CA2: variants seen among roughly 807,000 people sequenced by gnomAD.
CA2 encodes the protein carbonate dehydratase II.
CA2 carries 23 observed loss-of-function variants against 27.8 expected under a neutral mutation model. The observed-to-expected ratio is 0.83, with a 90% CI of 0.59 to 1.17. The LOEUF (loss-of-function observed/expected upper bound fraction) is 1.17, where lower values mean the gene tolerates loss of function less well. CA2 is among the 50% of genes most tolerant of loss of function. CA2 has a pLI of 0.00. For missense variants in CA2, 300 were observed against 314.7 expected (o/e 0.95, Z 0.35); for synonymous variants, 99 against 114.9 (o/e 0.86, Z 0.88).
Position 85,481,072 on chromosome 8 carries a change from A to C in CA2, c.*283A>C. The C allele has an allele frequency of 2.5e-6, 1 of 396,040 alleles. No homozygotes were observed. Among genetic ancestry groups the C allele is most frequent in the South Asian group, 2.3e-5 (1 of 44,434 alleles). 24.5% of individuals were successfully genotyped at this position (396,040 alleles called of 1,614,324 possible). A position where few individuals can be genotyped will look rare whatever the true frequency, so the allele number is the denominator to read the frequency against. On this transcript the variant is annotated 3_prime_UTR_variant, in exon 7 of 7. Transcript: ENST00000285379. ...AATAAAGTACCTTGACTTTGTTCAC[A>C]GCATGTAGGGTGATGAGCACTCACA...
chr8:85,474,886 G>T (rs1206470446), intron 4 of CA2, among the ~76,000 whole-genome samples: 1 of 152,152 alleles, frequency 6.6e-6, no homozygotes, highest in Non-Finnish European at 1.5e-5. Flanking sequence ...ATGTTGAGGT[G>T]GAAGCTACAG....
intron 2 of CA2, among the ~76,000 whole-genome samples, chr8:85,469,167 ATC>A (rs1304861862): frequency 2.0e-5 from 3 of 152,294 alleles, no homozygotes; most frequent in East Asian, 3.9e-4. Context: ...GCAGTTTAAC[ATC>A]TCTTTTTATT....
intron 2 of CA2, among the ~76,000 whole-genome samples, chr8:85,472,745 C>T (rs1811728622): frequency 6.6e-6 from 1 of 152,034 alleles, no homozygotes; most frequent in African/African-American, 2.4e-5. Context: ...AATCCCGGCA[C>T]TTTAGGAGGC....
chr8:85,476,107 A>G (rs1811795288), intron 5 of CA2, among the ~76,000 whole-genome samples: 1 of 152,226 alleles, frequency 6.6e-6, no homozygotes, highest in African/African-American at 2.4e-5. Context: ...GGACATCCAT[A>G]TGTAAGAGTC....
intron 4 of CA2, 27 bp from the exon 5 acceptor site, chr8:85,475,771 T>C: frequency 1.2e-6 from 2 of 1,607,986 alleles, no homozygotes; most frequent in Non-Finnish European, 1.7e-6. Context: ...TGGGTGATAG[T>C]ATCTTGCCCT....
At chr8:85,468,264 A>C (rs1297064504) in intron 2 of CA2, among the ~76,000 whole-genome samples, 2 of 152,178 alleles carry the variant, frequency 1.3e-5, no homozygotes, top group Non-Finnish European at 2.9e-5. Context: ...AAGAGAGCAC[A>C]GCATGTGCTC....
chr8:85,465,535 G>C (rs904414504), intron 2 of CA2, 66 bp downstream of exon 2: 2 of 1,284,714 alleles, frequency 1.6e-6, no homozygotes, highest in East Asian at 5.0e-5. Flanking sequence ...AATGGAAGGA[G>C]CCAGGAACAG....
intron 6 of CA2, among the ~76,000 whole-genome samples, chr8:85,477,752 A>G (rs770615323): frequency 6.6e-6 from 1 of 152,216 alleles, no homozygotes; most frequent in Non-Finnish European, 1.5e-5. Context: ...AACTCACTCC[A>G]GGTTGCTTTA....
At chr8:85,468,853 A>G (rs1026593751) in intron 2 of CA2, among the ~76,000 whole-genome samples, 2 of 142,420 alleles carry the variant, frequency 1.4e-5, no homozygotes, top group Non-Finnish European at 3.1e-5. Context: ...TTTTTTTTAA[A>G]TAAAACAATC....
intron 2 of CA2, among the ~76,000 whole-genome samples, chr8:85,466,405 G>A (rs958417438): frequency 2.6e-5 from 4 of 151,692 alleles, no homozygotes; most frequent in African/African-American, 9.7e-5. Context: ...AGTGACCTAC[G>A]GTACTAATAT....
At chr8:85,473,611 ATG>A in intron 2 of CA2, 80 bp from the exon 3 acceptor site, 1 of 732,864 alleles carries the variant, frequency 1.4e-6, no homozygotes, top group Non-Finnish European at 2.5e-6. Context: ...ATGTGTGTGT[ATG>A]TATGTGTGTA....
chr8:85,470,553 A>ATTAAAAT lies in CA2; in HGVS notation c.233-3134_233-3133insTTTAAAA, dbSNP rs1230546712. 1.8e-4 allele frequency among the ~76,000 whole-genome samples: 27 copies of ATTAAAAT among 152,276 alleles called. No homozygotes were observed. In the South Asian group the frequency reaches 3.5e-3, roughly 20 times the overall value. On this transcript the variant is annotated intron_variant, in intron 2 of 6. Coordinates refer to ENST00000285379, the MANE Select transcript of CA2 (RefSeq NM_000067.3). ...TAGTTTAAGTGATTAGGGAGAAAAA[A>ATTAAAAT]TTAAAAAATATTAAATGTTCAGCTT...
chr8:85,477,926 C>T (rs1187870037), intron 6 of CA2, among the ~76,000 whole-genome samples: 1 of 152,172 alleles, frequency 6.6e-6, no homozygotes, highest in Non-Finnish European at 1.5e-5. Flanking sequence ...AGAAAGTGAA[C>T]ATTCCTTAGG....
chr8:85,467,466 A>G (rs1045523856), intron 2 of CA2, among the ~76,000 whole-genome samples: 1 of 152,250 alleles, frequency 6.6e-6, no homozygotes, highest in Non-Finnish European at 1.5e-5. Flanking sequence ...AAGTTGCTCA[A>G]TAAATGGCCT....
In CA2 at chr8:85,475,792, C is replaced by G; in HGVS notation, c.445-6C>G. The G allele has an allele frequency of 6.2e-7, 1 of 1,613,526 alleles. No individual in the cohort carries two copies. Among genetic ancestry groups the G allele is most frequent in the South Asian group, 1.1e-5 (1 of 91,066 alleles). On this transcript the variant is annotated splice_region_variant and splice_polypyrimidine_tract_variant and intron_variant, in intron 4 of 6. Transcript: ENST00000285379. The stretch of plus-strand genomic sequence containing the variant: ...ATAGTATCTTGCCCTTTATGTTTTT[C>G]TTTAGGTTGGCAGCGCTAAACCGGG...
Position 85,473,723 on chromosome 8 carries a change from A to G in CA2, c.263A>G (p.Tyr88Cys), listed in dbSNP as rs1411094793. The G allele has an allele frequency of 6.2e-7, 1 of 1,609,940 alleles. No individual in the cohort carries two copies. Among genetic ancestry groups the G allele is most frequent in the African/African-American group, 1.3e-5 (1 of 74,840 alleles). ...VLKGGPLDGT[Y>C]RLIQFHFHWG... ...AAGGGAGGACCCCTGGATGGCACTTACAGATTGATTCAGTTTCACTTTCAC... is the reference window on the plus strand; with the variant it reads ...AAGGGAGGACCCCTGGATGGCACTTGCAGATTGATTCAGTTTCACTTTCAC... Residue 88 changes from tyrosine to cysteine, a missense_variant, in exon 3 of 7, where the codon TAC (tyrosine) becomes TGC (cysteine). Around this residue, in one of 3 missense-constraint regions of CA2, gnomAD observed 122 missense variants for 133.2 expected, o/e 0.92. Transcript: ENST00000285379.
intron 1 of CA2, 167 bp downstream of exon 1, chr8:85,464,282 C>T (rs1017539445): frequency 5.8e-6 from 3 of 512,864 alleles, no homozygotes; most frequent in Middle Eastern, 5.1e-4. Context: ...TCGCTCCGCT[C>T]GCGGCTCCGC....
Position 85,477,240 on chromosome 8 carries a change from G to A in CA2, c.628G>A (p.Val210Met). 1 of 1,614,068 alleles carries A rather than the reference G, an allele frequency of 6.2e-7. No individual in the cohort carries two copies. Among genetic ancestry groups the A allele is most frequent in the Non-Finnish European group, 8.5e-7 (1 of 1,179,982 alleles). Residue 210 changes from valine to methionine, a missense_variant, in exon 6 of 7, where the codon GTG (valine) becomes ATG (methionine). Physicochemically the swap from Val to Met is conservative, Grantham distance 21 (BLOSUM62 1). Around this residue, in one of 3 missense-constraint regions of CA2, gnomAD observed 173 missense variants for 161.0 expected, o/e 1.07. Coordinates refer to ENST00000285379, the MANE Select transcript of CA2 (RefSeq NM_000067.3). ...PPLLECVTWI[V>M]LKEPISVSSE... ...TCTTCTGGAATGTGTGACCTGGATT[G>A]TGCTCAAGGAACCCATCAGCGTCAG...
chr8:85,466,784 C>T (rs971339251), intron 2 of CA2, among the ~76,000 whole-genome samples: 25 of 152,078 alleles, frequency 1.6e-4, no homozygotes, highest in African/African-American at 4.6e-4. Context: ...GAAAACAGTT[C>T]GGTGATTCTG....
Sources: gnomAD v4.1 joint callset for allele counts (sites outside exome capture counted in the v4.1 genomes callset) on GRCh38, gnomAD v4.1.1 for gene constraint, gnomAD v4.1.1 regional missense constraint, MANE v1.5 for transcripts, NCBI Gene and HGNC (gene_info 2026-07-23, HGNC 2026-07-21) for gene names.